The following DENND5B variants were observed in gnomAD, a reference collection of about 807,000 sequenced individuals.
DENND5B encodes the protein DENN domain containing 5B, also known as DENN domain-containing protein 5B.
In DENND5B, 34 loss-of-function variants were observed where a neutral mutation model predicts 140.6. That is an observed-to-expected ratio of 0.24 (90% CI 0.18 to 0.32). The LOEUF (loss-of-function observed/expected upper bound fraction) is 0.32, where lower values mean the gene tolerates loss of function less well. Ranked by LOEUF, DENND5B falls within the 10% of genes least tolerant of loss-of-function variation. The pLI, the probability that DENND5B is intolerant of heterozygous loss-of-function variation, is 1.00. For synonymous variants in DENND5B, 551 were observed against 562.1 expected (o/e 0.98, Z 0.28); for missense variants, 1,142 against 1,560.2 (o/e 0.73, Z 4.52).
At chr12:31,414,838 C>T (rs1942640024) in intron 12 of DENND5B, among the ~76,000 whole-genome samples, 1 of 150,724 alleles carries the variant, frequency 6.6e-6, no homozygotes, top group Non-Finnish European at 1.5e-5. Flanking sequence ...AGAAGAATTG[C>T]TTGAACCCGG....
intron 12 of DENND5B, 108 bp from the exon 13 acceptor site, chr12:31,413,672 G>A (rs1288562899): frequency 1.4e-5 from 17 of 1,210,078 alleles, no homozygotes; most frequent in Non-Finnish European, 5.5e-6. Flanking sequence ...TACTTAAAGG[G>A]AGCAATGGAT....
At chr12:31,490,800 T>C (rs1219498662) in intron 2 of DENND5B, among the ~76,000 whole-genome samples, 1 of 152,204 alleles carries the variant, frequency 6.6e-6, no homozygotes, top group African/African-American at 2.4e-5. Flanking sequence ...AGCATCTGAA[T>C]AGGTTTCTTC....
At chr12:31,423,396 G>A (rs1445791458) in intron 11 of DENND5B, among the ~76,000 whole-genome samples, 1 of 152,106 alleles carries the variant, frequency 6.6e-6, no homozygotes, top group Non-Finnish European at 1.5e-5. Flanking sequence ...TTTTATAGAT[G>A]ACGAAGCAGG....
At chr12:31,546,558 G>C (rs186792905) in intron 1 of DENND5B, among the ~76,000 whole-genome samples, 2 of 152,122 alleles carry the variant, frequency 1.3e-5, no homozygotes, top group African/African-American at 4.8e-5. Context: ...ATGGTGGTAC[G>C]CGCCTGTAAT....
intron 2 of DENND5B, among the ~76,000 whole-genome samples, chr12:31,494,693 G>A (rs1946691137): frequency 6.6e-6 from 1 of 152,092 alleles, no homozygotes; most frequent in African/African-American, 2.4e-5. Flanking sequence ...GCCTCTGATT[G>A]GTTGTATGTT....
intron 1 of DENND5B, among the ~76,000 whole-genome samples, chr12:31,566,458 G>C (rs991733362): frequency 1.3e-5 from 2 of 151,490 alleles, no homozygotes; most frequent in Non-Finnish European, 2.9e-5. Flanking sequence ...TTAAAATTAG[G>C]TGCATATTCT....
chr12:31,528,759 G>A (rs1013952864), intron 1 of DENND5B, among the ~76,000 whole-genome samples: 1 of 152,196 alleles, frequency 6.6e-6, no homozygotes, highest in Non-Finnish European at 1.5e-5. Context: ...TCTAACTGGA[G>A]ATGTTAAGAC....
intron 7 of DENND5B, among the ~76,000 whole-genome samples, chr12:31,437,339 T>G (rs973163347): frequency 6.6e-6 from 1 of 152,108 alleles, no homozygotes; most frequent in Non-Finnish European, 1.5e-5. Flanking sequence ...TTTCACTGTG[T>G]TAGCCAGGAT....
At chr12:31,415,302 G>A in intron 12 of DENND5B, 65 bp downstream of exon 12, 3 of 1,307,656 alleles carry the variant, frequency 2.3e-6, no homozygotes, top group East Asian at 2.5e-5. Flanking sequence ...GAGCAATTTA[G>A]TTAAAAGCCA....
At chr12:31,473,127 G>A (rs577355732) in intron 3 of DENND5B, among the ~76,000 whole-genome samples, 15 of 151,928 alleles carry the variant, frequency 9.9e-5, no homozygotes, top group Admixed American at 9.8e-4. Flanking sequence ...TAGTAGAGAT[G>A]GGGTTTTGCT....
chr12:31,482,888 G>T (rs943540202), intron 2 of DENND5B, among the ~76,000 whole-genome samples: 3 of 152,072 alleles, frequency 2.0e-5, no homozygotes, highest in Non-Finnish European at 4.4e-5. Flanking sequence ...TTCTCCAATG[G>T]ACTCTTATCT....
Position 31,382,306 on chromosome 12 carries a change from C to A in DENND5B, c.*5297G>T, listed in dbSNP as rs141818757. On this transcript the variant is annotated 3_prime_UTR_variant, in exon 21 of 21. Transcript: ENST00000389082. ...TGTACTCCCAAACCTGAAAAACCCA[C>A]GTCAGTTTGTCTGATATGTATGTTA... 6.6e-6 allele frequency: 1 copy of A among 152,104 alleles called. No homozygotes were observed. The allele number at this position is 152,104 out of a possible 1,614,324, so 9.4% of individuals were successfully genotyped here.
At chr12:31,514,416 G>T (rs944370455) in intron 1 of DENND5B, among the ~76,000 whole-genome samples, 1 of 152,064 alleles carries the variant, frequency 6.6e-6, no homozygotes, top group African/African-American at 2.4e-5. Flanking sequence ...TATGAACATG[G>T]GCTAGTTGAA....
chr12:31,559,273 ACAAG>A lies in DENND5B; in HGVS notation c.127+31429_127+31432del, dbSNP rs1008777818. ...TTTCCTCAACAAATCAAACTCAAAG[ACAAG>A]CTTACAAAACTGGAAACACAGAATA... On this transcript the variant is annotated intron_variant, in intron 1 of 20. Coordinates refer to ENST00000389082, the MANE Select transcript of DENND5B (RefSeq NM_144973.4). 1.4e-4 allele frequency among the ~76,000 whole-genome samples: 21 copies of A among 152,212 alleles called. 1 individual carries two copies. Among genetic ancestry groups the A allele is most frequent in the Non-Finnish European group, 2.2e-4 (15 of 68,026 alleles).
chr12:31,457,584 C>T (rs1213143355), intron 4 of DENND5B, among the ~76,000 whole-genome samples: 1 of 152,106 alleles, frequency 6.6e-6, no homozygotes, highest in East Asian at 1.9e-4. Flanking sequence ...TACTTCCTCT[C>T]CAAAATTATG....
intron 1 of DENND5B, chr12:31,534,678 A>G: frequency 3.9e-6 from 1 of 257,774 alleles, no homozygotes; most frequent in Non-Finnish European, 8.1e-6. Context: ...CGAAGGAGCC[A>G]CTGGTACTTA....
In DENND5B at chr12:31,495,107, A is replaced by G. The variant is rs1946706392; in HGVS notation, c.237+703T>C. Among the ~76,000 whole-genome samples the G allele has an allele frequency of 2.0e-5, 3 of 152,200 alleles. No individual in the cohort carries two copies. In the South Asian group the frequency reaches 6.2e-4, roughly 31 times the overall value. On this transcript the variant is annotated intron_variant, in intron 2 of 20. Transcript: ENST00000389082. ...TTTACACTGTCTGTAAAAATGACAAATTATAGGCCTACCATACAATATTCC... is the reference window on the plus strand; with the variant it reads ...TTTACACTGTCTGTAAAAATGACAAGTTATAGGCCTACCATACAATATTCC...
chr12:31,524,330 CTGT>C (rs1434351513), intron 1 of DENND5B, among the ~76,000 whole-genome samples: 2 of 152,122 alleles, frequency 1.3e-5, no homozygotes, highest in Non-Finnish European at 2.9e-5. Flanking sequence ...CTGGAAGCTC[CTGT>C]TGTTTCTATC....
chr12:31,400,230 T>C (rs1374142776), intron 15 of DENND5B, among the ~76,000 whole-genome samples: 1 of 152,232 alleles, frequency 6.6e-6, no homozygotes, highest in Non-Finnish European at 1.5e-5. Flanking sequence ...TTTTCTTTTT[T>C]AGAAAATTTT....
Sources: gnomAD v4.1 joint callset for allele counts (sites outside exome capture counted in the v4.1 genomes callset) on GRCh38, gnomAD v4.1.1 for gene constraint, MANE v1.5 for transcripts, NCBI Gene and HGNC (gene_info 2026-07-23, HGNC 2026-07-21) for gene names.